AFF3: variants seen among roughly 807,000 people sequenced by gnomAD.
The protein encoded by AFF3 is ALF transcription elongation factor 3.
A neutral mutation model predicts 129.7 loss-of-function variants in AFF3; 32 were observed. The observed-to-expected ratio is 0.25, with a 90% CI of 0.19 to 0.33. The LOEUF is 0.33. AFF3 is among the 10% of genes least tolerant of loss of function. AFF3 has a pLI of 1.00. For missense variants in AFF3, 1,373 were observed against 1,592.0 expected, an observed-to-expected ratio of 0.86 and a Z score of 2.34; for synonymous variants, 644 against 635.4, an observed-to-expected ratio of 1.01 and a Z score of -0.20.
rs533686618 is a variant in AFF3, at chr2:99,568,663, C to A, written c.2982+189G>T. Among the ~76,000 whole-genome samples, 7 of 152,278 alleles carry A rather than the reference C, an allele frequency of 4.6e-5. No individual in the cohort carries two copies. In the South Asian group the frequency reaches 1.5e-3, roughly 32 times the overall value. ...CATTTGTCTAGGGCTTTTTCCCAGTCAGGCATTATTGGTTGAAGTCATACT... is the reference window on the plus strand; with the variant it reads ...CATTTGTCTAGGGCTTTTTCCCAGTAAGGCATTATTGGTTGAAGTCATACT... On this transcript the variant is annotated intron_variant, in intron 19 of 24. Coordinates refer to ENST00000672756, the MANE Select transcript of AFF3 (RefSeq NM_001386135.1).
chr2:99,895,616 C>T (rs1039611128), intron 7 of AFF3, among the ~76,000 whole-genome samples: 12 of 152,092 alleles, frequency 7.9e-5, no homozygotes, highest in African/African-American at 2.4e-4. Context: ...CCCTCACCAC[C>T]GTGCCAGCCA....
intron 12 of AFF3, among the ~76,000 whole-genome samples, chr2:99,662,071 C>T (rs1418745943): frequency 5.9e-5 from 9 of 151,722 alleles, no homozygotes; most frequent in East Asian, 1.9e-4. Context: ...ACCCGGGAGG[C>T]GGAGGTTGCA....
chr2:99,594,098 C>T lies in AFF3; in HGVS notation c.1563G>A (p.Lys521=), dbSNP rs977133633. 1 of 1,614,050 alleles carries T rather than the reference C, an allele frequency of 6.2e-7. No homozygotes were observed. The highest frequency in any genetic ancestry group is 1.7e-5 in the Admixed American group (1 of 60,008). The change falls in exon 15 of 25, where the codon AAG becomes AAA. Residue 521 remains lysine, a synonymous_variant. Coordinates refer to ENST00000672756, the MANE Select transcript of AFF3 (RefSeq NM_001386135.1). ...PDVCQPSLRE[K]EIKSTCKEEQ... ...CCTCCTTGCAAGTGCTCTTGATCTC[C>T]TTCTCTCTCAGGCTGGGCTGGCAAA...
At chr2:99,746,313 C>T (rs918847334) in intron 9 of AFF3, among the ~76,000 whole-genome samples, 19 of 66,354 alleles carry the variant, frequency 2.9e-4, no homozygotes, top group East Asian at 1.3e-3. Flanking sequence ...TTTTGTTCCA[C>T]GAGTATAGCT....
intron 8 of AFF3, among the ~76,000 whole-genome samples, chr2:99,832,274 T>C (rs1194132024): frequency 6.6e-6 from 1 of 152,222 alleles, no homozygotes; most frequent in Admixed American, 6.5e-5. Context: ...ATGACGTGCA[T>C]CAAAATGAAA....
intron 7 of AFF3, among the ~76,000 whole-genome samples, chr2:100,000,934 C>T (rs1464255513): frequency 6.6e-6 from 1 of 152,208 alleles, no homozygotes; most frequent in African/African-American, 2.4e-5. Flanking sequence ...ACAAGCTTTT[C>T]TCACGAAACT....
intron 7 of AFF3, among the ~76,000 whole-genome samples, chr2:99,877,321 G>A (rs1692377684): frequency 6.6e-6 from 1 of 152,122 alleles, no homozygotes; most frequent in African/African-American, 2.4e-5. Context: ...GGAAGATGAT[G>A]AGCTCAGTTT....
chr2:99,978,486 C>A (rs1001030104), intron 7 of AFF3, among the ~76,000 whole-genome samples: 69 of 152,262 alleles, frequency 4.5e-4, no homozygotes, highest in African/African-American at 1.5e-3. Context: ...ACAGGCCCAG[C>A]AGCTGACATG....
chr2:99,770,118 C>T (rs1683352920), intron 8 of AFF3, among the ~76,000 whole-genome samples: 1 of 152,122 alleles, frequency 6.6e-6, no homozygotes, highest in South Asian at 2.1e-4. Flanking sequence ...TGTCTAGGAG[C>T]CAGGGACTGA....
At position 99,998,776 on chromosome 2, in the gene AFF3, A is replaced by G. The variant is rs556064026; in HGVS notation, c.873+7856T>C. ...ATTCCCATGAATAACTGAACGAGGAATCGTGACAGAAACAGGATTGGTAAA... is the reference window on the plus strand; with the variant it reads ...ATTCCCATGAATAACTGAACGAGGAGTCGTGACAGAAACAGGATTGGTAAA... On this transcript the variant is annotated intron_variant, in intron 7 of 24. Transcript: ENST00000672756. 3.3e-5 allele frequency among the ~76,000 whole-genome samples: 5 copies of G among 152,286 alleles called. No individual in the cohort carries two copies. The East Asian group carries it at 9.7e-4, about 29-fold the overall frequency.
At chr2:99,611,824 T>C (rs989804393) in intron 13 of AFF3, among the ~76,000 whole-genome samples, 1 of 151,850 alleles carries the variant, frequency 6.6e-6, no homozygotes, top group Non-Finnish European at 1.5e-5. Flanking sequence ...AAGGCAGAGG[T>C]TGCAGTGAGC....
At chr2:99,747,656 T>C (rs1681277076) in intron 9 of AFF3, among the ~76,000 whole-genome samples, 1 of 152,204 alleles carries the variant, frequency 6.6e-6, no homozygotes, top group Non-Finnish European at 1.5e-5. Flanking sequence ...GTGTGATTAA[T>C]AACCATTATT....
intron 14 of AFF3, among the ~76,000 whole-genome samples, chr2:99,597,281 A>C (rs1191213231): frequency 6.6e-6 from 1 of 152,266 alleles, no homozygotes; most frequent in Non-Finnish European, 1.5e-5. Context: ...TCTTCAACTT[A>C]AAATGACAGA....
intron 4 of AFF3, among the ~76,000 whole-genome samples, chr2:100,048,185 A>AC (rs1456735405): frequency 2.6e-5 from 4 of 152,272 alleles, no homozygotes; most frequent in Non-Finnish European, 2.9e-5. Context: ...TAATGCCGTG[A>AC]CAAATATCCT....
At chr2:100,115,442 G>A (rs111676693) in intron 2 of AFF3, among the ~76,000 whole-genome samples, 12 of 152,172 alleles carry the variant, frequency 7.9e-5, no homozygotes, top group African/African-American at 2.6e-4. Context: ...CAGCTACTAG[G>A]TACTTGGGAG....
In AFF3 at chr2:99,593,518, C is replaced by G. The variant is rs140781377; in HGVS notation, c.2143G>C (p.Gly715Arg). The G allele has an allele frequency of 3.7e-6, 6 of 1,613,210 alleles. No homozygotes were observed. The Admixed American group carries it at 1.0e-4, about 27-fold the overall frequency. ...ACAGGGGCCCTAGGACCACTGCCCC[C>G]GTTGGCAGCGGCCTCCTTCAGCCTC... is the stretch of plus-strand genomic sequence containing the variant. The part of the protein sequence containing the change: ...DQRLKEAAAN[G>R]GSGPRAPVGS... Residue 715 changes from glycine (G) to arginine (R), a missense_variant, in exon 15 of 25, where the codon GGG becomes CGG. Coordinates refer to ENST00000672756, the MANE Select transcript of AFF3 (RefSeq NM_001386135.1).
chr2:99,642,310 T>A (rs1389965119), intron 13 of AFF3, among the ~76,000 whole-genome samples: 1 of 152,130 alleles, frequency 6.6e-6, no homozygotes, highest in Non-Finnish European at 1.5e-5. Flanking sequence ...TTTGAGACTT[T>A]CTTGCCTACT....
intron 13 of AFF3, among the ~76,000 whole-genome samples, chr2:99,647,139 C>T (rs953225922): frequency 7.2e-5 from 11 of 152,162 alleles, no homozygotes; most frequent in African/African-American, 2.4e-4. Context: ...ATCCAGCAAT[C>T]CCATTAATGG....
intron 7 of AFF3, among the ~76,000 whole-genome samples, chr2:99,906,882 A>C (rs1252344406): frequency 6.6e-6 from 1 of 151,704 alleles, no homozygotes; most frequent in African/African-American, 2.4e-5. Context: ...CAATCTATGT[A>C]CACATCCATA....
Sources: allele counts gnomAD v4.1 joint callset (sites outside exome capture counted in the v4.1 genomes callset), GRCh38; gene constraint gnomAD v4.1.1; transcripts MANE v1.5; gene names NCBI Gene and HGNC (gene_info 2026-07-23, HGNC 2026-07-21).